The following ERCC6L2 variants were observed in gnomAD, a reference collection of about 807,000 sequenced individuals.
The protein encoded by ERCC6L2 is DNA excision repair protein ERCC-6-like 2.
Under a neutral mutation model 132.0 loss-of-function variants are expected in ERCC6L2, and 77 were observed. The observed-to-expected ratio is 0.58, with a 90% CI of 0.49 to 0.71. ERCC6L2 has a LOEUF of 0.71. ERCC6L2 is among the 30% of genes least tolerant of loss of function. The pLI is 0.00. For missense variants in ERCC6L2, 1,542 were observed against 1,837.6 expected (o/e 0.84, Z 2.94); for synonymous variants, 583 against 632.4 (o/e 0.92, Z 1.17).
Position 95,876,058 on chromosome 9 carries a change from A to C in ERCC6L2, c.20A>C (p.Gln7Pro), listed in dbSNP as rs1827243363. 6.3e-7 allele frequency: 1 copy of C among 1,585,670 alleles called. No individual in the cohort carries two copies. The highest frequency in any genetic ancestry group is 8.6e-7 in the Non-Finnish European group (1 of 1,166,734). The part of the protein sequence containing the change: MDPSAP[Q>P]PRAETSGKDI... ...GGCCGGATGGATCCGTCGGCGCCAC[A>C]GCCCCGCGCGGAAACCTCAGGCAAA... The change falls in exon 1 of 19, where the codon CAG (glutamine) becomes CCG (proline). Residue 7 changes from glutamine (Q) to proline (P), a missense_variant. By Grantham distance (76) the Gln-to-Pro change is moderately conservative. This residue lies in a region of ERCC6L2 where 153 missense variants were observed against 132.3 expected (regional missense o/e 1.16). Coordinates refer to ENST00000653738, the MANE Select transcript of ERCC6L2 (RefSeq NM_020207.7).
At chr9:95,908,642 G>A (rs926925203) in intron 4 of ERCC6L2, among the ~76,000 whole-genome samples, 1 of 152,044 alleles carries the variant, frequency 6.6e-6, no homozygotes, top group Non-Finnish European at 1.5e-5. Context: ...GCTGGGCCTT[G>A]GTAAAATCAT....
Position 95,955,905 on chromosome 9 carries a change from C to A in ERCC6L2, c.1848-9C>A. The A allele has an allele frequency of 6.5e-7, 1 of 1,534,676 alleles. No homozygotes were observed. Among genetic ancestry groups the A allele is most frequent in the South Asian group, 1.3e-5 (1 of 76,586 alleles). On this transcript the variant is annotated splice_polypyrimidine_tract_variant and intron_variant, in intron 12 of 18. Coordinates refer to ENST00000653738, the MANE Select transcript of ERCC6L2 (RefSeq NM_020207.7). ...TTGATTTTTGTTTGTATTTTTAATC[C>A]TTTTACAGAGCATATAGGATTGGAC...
chr9:95,962,638 A>G (rs1309372202), intron 13 of ERCC6L2, among the ~76,000 whole-genome samples: 1 of 152,168 alleles, frequency 6.6e-6, no homozygotes, highest in Non-Finnish European at 1.5e-5. Flanking sequence ...TGTGTTTAGA[A>G]ATAAAGCTAT....
intron 2 of ERCC6L2, among the ~76,000 whole-genome samples, chr9:95,881,689 C>T (rs376306489): frequency 6.6e-6 from 1 of 152,056 alleles, no homozygotes; most frequent in Non-Finnish European, 1.5e-5. Context: ...GCATATTGTT[C>T]GAAGTTTATC....
At chr9:95,921,052 G>A (rs1829842622) in intron 6 of ERCC6L2, 123 bp from the exon 7 acceptor site, 2 of 877,614 alleles carry the variant, frequency 2.3e-6, no homozygotes, top group Non-Finnish European at 3.3e-6. Flanking sequence ...TGGGATTACA[G>A]GCGTGAGCCT....
intron 19 of ERCC6L2, among the ~76,000 whole-genome samples, chr9:96,029,085 A>G (rs905260004): frequency 1.1e-4 from 16 of 152,090 alleles, no homozygotes; most frequent in Admixed American, 6.5e-5. Flanking sequence ...TGGGCGGATC[A>G]CAAGGTCAGG....
At chr9:95,991,281 T>C (rs565045843) in intron 17 of ERCC6L2, among the ~76,000 whole-genome samples, 2 of 152,270 alleles carry the variant, frequency 1.3e-5, no homozygotes, top group South Asian at 2.1e-4. Context: ...ATGGATTCTT[T>C]ACCACCACAT....
rs185637096 is a variant in ERCC6L2 at position 95,912,473 on chromosome 9, T to A, written c.789-3195T>A. On this transcript the variant is annotated intron_variant, in intron 4 of 18. Transcript: ENST00000653738. The stretch of plus-strand genomic sequence containing the variant: ...GTGTGTCTATGTCTATGTCTTTGTG[T>A]ACGGTGGTGGTAATGAGTCATTTCA... 2.8e-4 allele frequency among the ~76,000 whole-genome samples: 43 copies of A among 152,318 alleles called. No homozygotes were observed. In the East Asian group the frequency reaches 8.3e-3, roughly 29 times the overall value.
At chr9:96,040,398 C>G (rs1370365366) in intron 20 of ERCC6L2, among the ~76,000 whole-genome samples, 2 of 152,212 alleles carry the variant, frequency 1.3e-5, no homozygotes, top group South Asian at 4.1e-4. Context: ...GGTGAGTCTT[C>G]TCAGGAGGCC....
At chr9:95,935,601 CT>C (rs1246184467) in intron 11 of ERCC6L2, among the ~76,000 whole-genome samples, 2 of 152,122 alleles carry the variant, frequency 1.3e-5, no homozygotes, top group African/African-American at 4.8e-5. Flanking sequence ...TTAGTTCAGG[CT>C]TTGTTAATGA....
Position 95,915,742 on chromosome 9 carries a change from T to C in ERCC6L2, c.863T>C (p.Met288Thr), listed in dbSNP as rs1829552741. 6.8e-6 allele frequency: 11 copies of C among 1,614,024 alleles called. No homozygotes were observed. The highest frequency in any genetic ancestry group is 9.3e-6 in the Non-Finnish European group (11 of 1,179,886). ...CCAAAAGCTAGAGTAACAGAAGTTATGAAAGCTTTGAAATGTAATGTCCGC... is the reference window on the plus strand; with the variant it reads ...CCAAAAGCTAGAGTAACAGAAGTTACGAAAGCTTTGAAATGTAATGTCCGC... Reference protein sequence around the residue: ...KNPKARVTEVMKALKCNVRIG... With the variant: ...KNPKARVTEVTKALKCNVRIG... The change falls in exon 5 of 19, where the codon ATG becomes ACG. Residue 288 changes from methionine to threonine, a missense_variant. By Grantham distance (81) the Met-to-Thr change is moderately conservative. Transcript: ENST00000653738.
chr9:96,020,661 G>A, downstream of ERCC6L2: 1 of 409,260 alleles, frequency 2.4e-6, no homozygotes. Context: ...GCAGATGATG[G>A]AATGCCCTCC....
At chr9:95,966,268 T>A (rs952753999) in intron 13 of ERCC6L2, among the ~76,000 whole-genome samples, 1 of 152,198 alleles carries the variant, frequency 6.6e-6, no homozygotes, top group Non-Finnish European at 1.5e-5. Context: ...AATGTATGCT[T>A]TTATTATTAA....
chr9:95,972,910 C>G lies in ERCC6L2; in HGVS notation c.3159C>G (p.Phe1053Leu), dbSNP rs781554648. ...SSDESLSVSH[F>L]SFSKQSHRPR... ...ATGAGAGTTTATCCGTCAGCCACTT[C>G]AGTTTCTCTAAACAGAGCCACAGAC... The change falls in exon 16 of 19, where the codon TTC becomes TTG. Residue 1053 changes from phenylalanine (F) to leucine (L), a missense_variant. By Grantham distance (22) the Phe-to-Leu change is conservative (BLOSUM62 0). Around this residue, in one of 4 missense-constraint regions of ERCC6L2, gnomAD observed 945 missense variants for 1,105.2 expected, o/e 0.86. Coordinates refer to ENST00000653738, the MANE Select transcript of ERCC6L2 (RefSeq NM_020207.7). 7.7e-7 allele frequency: 1 copy of G among 1,305,816 alleles called. No homozygotes were observed. The highest frequency in any genetic ancestry group is 1.0e-6 in the Non-Finnish European group (1 of 989,164). 80.9% of individuals were successfully genotyped at this position (1,305,816 alleles called of 1,614,324 possible).
chr9:96,001,184 C>T (rs1435733915), intron 17 of ERCC6L2, among the ~76,000 whole-genome samples: 7 of 152,098 alleles, frequency 4.6e-5, no homozygotes, highest in Non-Finnish European at 1.0e-4. Flanking sequence ...CAGCGTGGAC[C>T]CAAAGAGTGA....
At chr9:95,885,480 A>G (rs1827815249) in intron 2 of ERCC6L2, among the ~76,000 whole-genome samples, 1 of 152,202 alleles carries the variant, frequency 6.6e-6, no homozygotes, top group South Asian at 2.1e-4. Flanking sequence ...TACTTGAGGA[A>G]ATTTTAATAC....
rs543632350 is a variant in ERCC6L2 at position 95,997,833 on chromosome 9, CT to C, written c.3493-6686del. Reference sequence around the variant, plus strand: ...CAAGTTTGAGTTAAGTTCACGTAATCTAGAATCTTTTCATCCTAGCCTTGTA... The same window carrying C: ...CAAGTTTGAGTTAAGTTCACGTAATCAGAATCTTTTCATCCTAGCCTTGTA... On this transcript the variant is annotated intron_variant, in intron 17 of 18. Transcript: ENST00000653738. Among the ~76,000 whole-genome samples, 1,383 of 152,284 alleles carry C rather than the reference CT, an allele frequency of 9.1e-3. 11 individuals carry two copies. Among genetic ancestry groups the C allele is most frequent in the Middle Eastern group, 0.031 (9 of 294 alleles).
chr9:95,884,098 CTG>C (rs1446410187), intron 2 of ERCC6L2, among the ~76,000 whole-genome samples: 2 of 152,156 alleles, frequency 1.3e-5, no homozygotes, highest in East Asian at 1.9e-4. Context: ...TCCTGATACA[CTG>C]TAATCATTGA....
intron 17 of ERCC6L2, among the ~76,000 whole-genome samples, chr9:95,996,916 A>G (rs1041426639): frequency 2.6e-5 from 4 of 152,192 alleles, no homozygotes; most frequent in Non-Finnish European, 5.9e-5. Context: ...ATCAAGGAGT[A>G]ATTTTGGCTT....
Sources: gnomAD v4.1 joint callset for allele counts (sites outside exome capture counted in the v4.1 genomes callset) on GRCh38, gnomAD v4.1.1 for gene constraint, gnomAD v4.1.1 regional missense constraint, MANE v1.5 for transcripts, NCBI Gene and HGNC (gene_info 2026-07-23, HGNC 2026-07-21) for gene names.